The following TMEM150C variants were observed in gnomAD, a reference collection of about 807,000 sequenced individuals.
TMEM150C encodes the protein transmembrane protein 150C, also known as tentonin 3.
In TMEM150C, 10 loss-of-function variants were observed where a neutral mutation model predicts 29.9. The ratio of observed to expected loss-of-function variants is 0.33; its 90% CI spans 0.21 to 0.57. The LOEUF is 0.57. Among genes scored for constraint, TMEM150C ranks in the 20% least tolerant of loss-of-function variants. The probability of loss-of-function intolerance (pLI) is 0.88; values close to 1 mark genes in which losing one functional copy is unlikely to be tolerated. For synonymous variants in TMEM150C, 101 were observed against 112.5 expected, an observed-to-expected ratio of 0.90 and a Z score of 0.64; for missense variants, 251 against 303.6, an observed-to-expected ratio of 0.83 and a Z score of 1.29.
intron 1 of TMEM150C, among the ~76,000 whole-genome samples, chr4:82,539,024 G>A (rs1458284013): frequency 2.0e-5 from 3 of 152,118 alleles, no homozygotes; most frequent in African/African-American, 7.2e-5. Context: ...CTGAGATCAC[G>A]CCACTGCACT....
At chr4:82,561,732 T>C (rs1560504147) in intron 1 of TMEM150C, among the ~76,000 whole-genome samples, 174 bp downstream of exon 1, 2 of 146,698 alleles carry the variant, frequency 1.4e-5, no homozygotes, top group Non-Finnish European at 3.0e-5. Flanking sequence ...CCCGGGACGC[T>C]ATGGGAGGGG....
At chr4:82,504,896 G>A (rs1165435891) in intron 1 of TMEM150C, among the ~76,000 whole-genome samples, 1 of 152,118 alleles carries the variant, frequency 6.6e-6, no homozygotes, top group African/African-American at 2.4e-5. Flanking sequence ...CGGGCGTGGT[G>A]GCGGGCGCCT....
Position 82,555,411 on chromosome 4 carries a change from A to T in TMEM150C, c.-11+6495T>A, listed in dbSNP as rs143913150. Among the ~76,000 whole-genome samples the T allele has an allele frequency of 1.5e-3, 224 of 152,284 alleles. 1 individual carries two copies. Among genetic ancestry groups the T allele is most frequent in the African/African-American group, 5.2e-3 (218 of 41,560 alleles). On this transcript the variant is annotated intron_variant, in intron 1 of 7. Coordinates refer to ENST00000449862, the MANE Select transcript of TMEM150C (RefSeq NM_001080506.3). ...GAAGGAAGACAGCTCTGGAGACAAA[A>T]TCTGTAGTCAGTCTCTGGGACAAGC...
intron 1 of TMEM150C, among the ~76,000 whole-genome samples, chr4:82,536,902 T>C (rs1725024980): frequency 6.6e-6 from 1 of 152,174 alleles, no homozygotes; most frequent in Non-Finnish European, 1.5e-5. Flanking sequence ...GGGCAAGAGA[T>C]GTAAACAAAG....
intron 7 of TMEM150C, among the ~76,000 whole-genome samples, chr4:82,489,825 A>G (rs1340735703): frequency 6.6e-6 from 1 of 152,192 alleles, no homozygotes; most frequent in African/African-American, 2.4e-5. Flanking sequence ...GTATGACACC[A>G]TTCCTGCAGA....
intron 1 of TMEM150C, among the ~76,000 whole-genome samples, chr4:82,547,331 G>A (rs1725418921): frequency 6.6e-6 from 1 of 151,998 alleles, no homozygotes; most frequent in African/African-American, 2.4e-5. Flanking sequence ...GCTCATGCCT[G>A]TAATACCAGC....
Position 82,485,553 on chromosome 4 carries a change from T to A in TMEM150C, c.708A>T (p.Glu236Asp). ...GATATTCAGAAGCTTCTGACAGGCT[T>A]TCTGAGAAGCTTAGGAAATTCTCCT... is the stretch of plus-strand genomic sequence containing the variant. ...EYQENFLSFS[E>D]SLSEASEYQT... is the part of the protein sequence containing the mutation. The change falls in exon 8 of 8, where the codon GAA becomes GAT. Residue 236 changes from glutamate to aspartate, a missense_variant. By Grantham distance (45) the Glu-to-Asp change is conservative (BLOSUM62 2). Coordinates refer to ENST00000449862, the MANE Select transcript of TMEM150C (RefSeq NM_001080506.3). 1 of 1,609,712 alleles carries A rather than the reference T, an allele frequency of 6.2e-7. No individual in the cohort carries two copies. The highest frequency in any genetic ancestry group is 1.7e-5 in the Admixed American group (1 of 59,346).
chr4:82,491,102 A>T, intron 6 of TMEM150C: 1 of 704,584 alleles, frequency 1.4e-6, no homozygotes, highest in Non-Finnish European at 2.6e-6. Context: ...CCATTTTACG[A>T]CACAGGGCAG....
intron 6 of TMEM150C, chr4:82,491,727 T>G (rs1226387434): frequency 1.4e-5 from 5 of 366,736 alleles, no homozygotes; most frequent in Non-Finnish European, 2.4e-5. Context: ...GTCATGAACT[T>G]CTGAGCTCAA....
At chr4:82,508,505 G>A (rs369416912) in intron 1 of TMEM150C, among the ~76,000 whole-genome samples, 16 of 150,340 alleles carry the variant, frequency 1.1e-4, no homozygotes, top group South Asian at 8.5e-4. Flanking sequence ...TCACTCTGTC[G>A]CCCAGGCTGG....
chr4:82,528,724 G>A (rs773151499), intron 1 of TMEM150C, among the ~76,000 whole-genome samples: 16 of 151,356 alleles, frequency 1.1e-4, no homozygotes, highest in Non-Finnish European at 1.8e-4. Flanking sequence ...TAAGCCTCCT[G>A]GGTAGCTGGG....
chr4:82,500,304 GT>G (rs1723697088), intron 5 of TMEM150C, among the ~76,000 whole-genome samples: 1 of 152,242 alleles, frequency 6.6e-6, no homozygotes, highest in Admixed American at 6.5e-5. Flanking sequence ...CTTAAAGTCA[GT>G]TATGTAGACT....
chr4:82,555,567 A>G (rs936534684), intron 1 of TMEM150C, among the ~76,000 whole-genome samples: 5 of 152,178 alleles, frequency 3.3e-5, no homozygotes, highest in Non-Finnish European at 7.4e-5. Flanking sequence ...CTCCTCTTAC[A>G]CAGAAAATAA....
At chr4:82,559,189 A>C (rs1383974475) in intron 1 of TMEM150C, among the ~76,000 whole-genome samples, 1 of 152,132 alleles carries the variant, frequency 6.6e-6, no homozygotes, top group Non-Finnish European at 1.5e-5. Context: ...ACATGCACCC[A>C]GGTGAAATAA....
intron 1 of TMEM150C, among the ~76,000 whole-genome samples, chr4:82,534,382 C>T (rs904578692): frequency 6.6e-6 from 1 of 151,984 alleles, no homozygotes; most frequent in African/African-American, 2.4e-5. Flanking sequence ...TGGCTGAATA[C>T]AACATAAATA....
At chr4:82,527,019 CTTTTTTTTTTTTT>C (rs893109064) in intron 1 of TMEM150C, among the ~76,000 whole-genome samples, 2 of 74,690 alleles carry the variant, frequency 2.7e-5, no homozygotes, top group South Asian at 6.0e-4. Flanking sequence ...CATACTGGGT[CTTTTTTTTTTTTT>C]TTTTTTTTTT....
At chr4:82,542,357 G>T (rs903178224) in intron 1 of TMEM150C, among the ~76,000 whole-genome samples, 2 of 152,214 alleles carry the variant, frequency 1.3e-5, no homozygotes, top group African/African-American at 4.8e-5. Context: ...CTACATAAGC[G>T]AGGAACTGGA....
intron 1 of TMEM150C, among the ~76,000 whole-genome samples, chr4:82,547,229 C>T (rs1297795182): frequency 6.6e-6 from 1 of 150,678 alleles, no homozygotes; most frequent in Non-Finnish European, 1.5e-5. Context: ...AAAAAATGAG[C>T]AAAAGACATG....
intron 1 of TMEM150C, among the ~76,000 whole-genome samples, chr4:82,561,070 G>A (rs1725903729): frequency 6.6e-6 from 1 of 152,164 alleles, no homozygotes; most frequent in Non-Finnish European, 1.5e-5. Context: ...ACATCATAAA[G>A]TGCTGTGGGG....
Sources: allele counts gnomAD v4.1 joint callset (sites outside exome capture counted in the v4.1 genomes callset), GRCh38; gene constraint gnomAD v4.1.1; transcripts MANE v1.5; gene names NCBI Gene and HGNC (gene_info 2026-07-23, HGNC 2026-07-21).